VAT1L: variants seen among roughly 807,000 people sequenced by gnomAD.
VAT1L encodes vesicle amine transport 1 like.
VAT1L carries 34 observed loss-of-function variants against 44.1 expected under a neutral mutation model. The observed-to-expected ratio is 0.77, with a 90% confidence interval of 0.59 to 1.03. The LOEUF is 1.03. Ranked by LOEUF, VAT1L falls within the 50% of genes least tolerant of loss-of-function variation. The pLI is 0.00. For synonymous variants in VAT1L, 253 were observed against 202.2 expected (o/e 1.25, Z -2.13); for missense variants, 615 against 538.8 (o/e 1.14, Z -1.40).
chr16:77,935,479 C>T (rs986015035), intron 7 of VAT1L, among the ~76,000 whole-genome samples: 1 of 149,188 alleles, frequency 6.7e-6, no homozygotes, highest in Middle Eastern at 3.4e-3. Flanking sequence ...TTCCTCCACT[C>T]CCCATTCAAT....
Position 77,807,747 on chromosome 16 carries a change from T to C in VAT1L, c.234-9174T>C, listed in dbSNP as rs374078090. On this transcript the variant is annotated intron_variant, in intron 1 of 8. Coordinates refer to ENST00000302536, the MANE Select transcript of VAT1L (RefSeq NM_020927.3). ...ACGAGGTACTCTGTTTTACATATAC[T>C]GTCACATGCAATCCACACAACACCC... Among the ~76,000 whole-genome samples, 4 of 152,260 alleles carry C rather than the reference T, an allele frequency of 2.6e-5. No homozygotes were observed. In the South Asian group the frequency reaches 6.2e-4, roughly 24 times the overall value.
chr16:77,863,368 A>T (rs1251960274), intron 4 of VAT1L, among the ~76,000 whole-genome samples: 1 of 152,210 alleles, frequency 6.6e-6, no homozygotes, highest in African/African-American at 2.4e-5. Flanking sequence ...CCCAGAAAGA[A>T]CACACACCCT....
At chr16:77,845,737 T>G (rs1275839379) in intron 3 of VAT1L, among the ~76,000 whole-genome samples, 1 of 152,068 alleles carries the variant, frequency 6.6e-6, no homozygotes, top group Non-Finnish European at 1.5e-5. Context: ...CCAGACTAGC[T>G]CCCCTTTTTC....
At chr16:77,835,833 T>C (rs948210508) in intron 3 of VAT1L, among the ~76,000 whole-genome samples, 1 of 151,736 alleles carries the variant, frequency 6.6e-6, no homozygotes, top group Non-Finnish European at 1.5e-5. Context: ...AGATCATGCC[T>C]TTGCACTCCA....
chr16:77,886,753 T>A (rs555003079), intron 7 of VAT1L, among the ~76,000 whole-genome samples: 1 of 152,304 alleles, frequency 6.6e-6, no homozygotes, highest in East Asian at 1.9e-4. Context: ...TAGAAAGAGA[T>A]AAATTTGGAT....
chr16:77,814,619 G>C (rs1167992622), intron 1 of VAT1L, among the ~76,000 whole-genome samples: 1 of 152,170 alleles, frequency 6.6e-6, no homozygotes, highest in African/African-American at 2.4e-5. Context: ...TTTTCCAACA[G>C]GGCCTTGGGA....
chr16:77,946,279 C>CTTTTTTTCTTTTTTTTTT (rs2017963820), intron 7 of VAT1L, among the ~76,000 whole-genome samples: 1 of 70,426 alleles, frequency 1.4e-5, no homozygotes, highest in Non-Finnish European at 2.5e-5. Context: ...GTTACTTGTT[C>CTTTTTTTCTTTTTTTTTT]TTTTTTTTTT....
chr16:77,903,631 G>C (rs2017407866), intron 7 of VAT1L, among the ~76,000 whole-genome samples: 1 of 152,156 alleles, frequency 6.6e-6, no homozygotes, highest in East Asian at 1.9e-4. Context: ...TTCTGATTTG[G>C]AGATCGCCTT....
Position 77,862,767 on chromosome 16 carries a change from T to A in VAT1L, c.599T>A (p.Leu200Gln), listed in dbSNP as rs1312641960. Residue 200 changes from leucine to glutamine, a missense_variant, in exon 4 of 9, where the codon CTG (leucine) becomes CAG (glutamine). Transcript: ENST00000302536. ...TTCCAGGGTCAAGCTGTGGCTCAGCTGTGTTCCACTGTCCCCAACGTGACT... is the reference window on the plus strand; with the variant it reads ...TTCCAGGGTCAAGCTGTGGCTCAGCAGTGTTCCACTGTCCCCAACGTGACT... ...GGGVGQAVAQ[L>Q]CSTVPNVTVF... 1.9e-6 allele frequency: 3 copies of A among 1,613,962 alleles called. No individual in the cohort carries two copies. The highest frequency in any genetic ancestry group is 2.5e-6 in the Non-Finnish European group (3 of 1,179,938).
chr16:77,962,044 C>T (rs891068418), intron 7 of VAT1L, among the ~76,000 whole-genome samples: 5 of 152,144 alleles, frequency 3.3e-5, no homozygotes, highest in African/African-American at 4.8e-5. Flanking sequence ...TTCTTTCTCT[C>T]CTCAGTCTCT....
At chr16:77,878,464 C>A (rs186585688) in intron 5 of VAT1L, among the ~76,000 whole-genome samples, 3 of 151,988 alleles carry the variant, frequency 2.0e-5, no homozygotes, top group South Asian at 2.1e-4. Flanking sequence ...CTCATTCCCC[C>A]CTCCCCTGCC....
At chr16:77,840,686 G>A (rs755421577) in intron 3 of VAT1L, among the ~76,000 whole-genome samples, 7 of 152,030 alleles carry the variant, frequency 4.6e-5, no homozygotes, top group East Asian at 3.9e-4. Flanking sequence ...GTTTACTCCC[G>A]TGGTAGGACA....
intron 7 of VAT1L, among the ~76,000 whole-genome samples, chr16:77,962,497 G>A: frequency 6.6e-6 from 1 of 152,074 alleles, no homozygotes; most frequent in East Asian, 1.9e-4. Context: ...TCTCTCCTCT[G>A]GACTTGGGAG....
At chr16:77,826,226 A>G (rs78117636) in intron 3 of VAT1L, among the ~76,000 whole-genome samples, 1 of 151,480 alleles carries the variant, frequency 6.6e-6, no homozygotes, top group African/African-American at 2.4e-5. Flanking sequence ...AAAAAAGAAA[A>G]AGAGAAGCAT....
At chr16:77,856,175 T>C (rs2016856778) in intron 3 of VAT1L, among the ~76,000 whole-genome samples, 1 of 152,196 alleles carries the variant, frequency 6.6e-6, no homozygotes, top group South Asian at 2.1e-4. Flanking sequence ...GCAAAGATCC[T>C]ACAGTGAAAG....
intron 3 of VAT1L, among the ~76,000 whole-genome samples, chr16:77,826,206 C>A (rs1377541261): frequency 1.0e-4 from 13 of 128,228 alleles, no homozygotes; most frequent in African/African-American, 1.7e-4. Flanking sequence ...GACTCCGTCT[C>A]AAAAAAAAAA....
intron 3 of VAT1L, among the ~76,000 whole-genome samples, chr16:77,840,603 G>A (rs1181371012): frequency 2.0e-5 from 3 of 152,104 alleles, no homozygotes; most frequent in East Asian, 1.9e-4. Context: ...CACTCATTTC[G>A]TTTTGCATGT....
At chr16:77,883,031 T>G (rs1319609306) in intron 6 of VAT1L, among the ~76,000 whole-genome samples, 17 of 152,192 alleles carry the variant, frequency 1.1e-4, no homozygotes, top group Admixed American at 9.8e-4. Context: ...AACCTCATCA[T>G]TGTTTTCAAC....
chr16:77,955,986 A>T (rs895380250), intron 7 of VAT1L, among the ~76,000 whole-genome samples: 4 of 152,176 alleles, frequency 2.6e-5, no homozygotes, highest in Middle Eastern at 3.2e-3. Flanking sequence ...ACCTTAAGCA[A>T]AAACAATGGG....
Sources: allele counts gnomAD v4.1 joint callset (sites outside exome capture counted in the v4.1 genomes callset), GRCh38; gene constraint gnomAD v4.1.1; transcripts MANE v1.5; gene names NCBI Gene and HGNC (gene_info 2026-07-23, HGNC 2026-07-21).